Variants in PPP1R18 observed in about 807,000 individuals in gnomAD.
The protein encoded by PPP1R18 is phostensin.
In PPP1R18, 31 loss-of-function variants were observed where a neutral mutation model predicts 54.8. The observed-to-expected ratio is 0.57, with a 90% CI of 0.43 to 0.76. The LOEUF (loss-of-function observed/expected upper bound fraction) is 0.76, where lower values mean the gene tolerates loss of function less well. PPP1R18 is among the 30% of genes least tolerant of loss of function. The pLI is 0.00. For synonymous variants in PPP1R18, 310 were observed against 320.2 expected, an observed-to-expected ratio of 0.97 and a Z score of 0.34; for missense variants, 685 against 776.1, an observed-to-expected ratio of 0.88 and a Z score of 1.39.
Position 30,683,753 on chromosome 6 carries a change from T to C in PPP1R18, c.1611+655A>G, listed in dbSNP as rs1257930413. On this transcript the variant is annotated intron_variant, in intron 1 of 2. Transcript: ENST00000274853. The surrounding 1 kb of genome is among the most constrained non-coding windows in gnomAD (Gnocchi z 5.1). The stretch of plus-strand genomic sequence containing the variant: ...CAACCCCGAGGTCACCCACTTCAAA[T>C]GGCCTCTCTGTGTCTCTCCCATGGG... Among the ~76,000 whole-genome samples, 1 of 152,080 alleles carries C rather than the reference T, an allele frequency of 6.6e-6. No homozygotes were observed. The highest frequency in any genetic ancestry group is 2.4e-5 in the African/African-American group (1 of 41,424).
At position 30,679,315 on chromosome 6, in the gene PPP1R18, C is replaced by G. The variant is rs751625333; in HGVS notation, c.1686G>C (p.Glu562Asp). 1.3e-6 allele frequency: 2 copies of G among 1,548,002 alleles called. No individual in the cohort carries two copies. Among genetic ancestry groups the G allele is most frequent in the African/African-American group, 2.8e-5 (2 of 71,902 alleles). ...QYPSESSVLEELGPEPEVPSA... is the reference protein window; with the variant it reads ...QYPSESSVLEDLGPEPEVPSA... ...TGGGGACCTCAGGCTCCGGGCCCAG[C>G]TCCTCCAGTACCGAACTCTCGGAGG... The change falls in exon 2 of 3, where the codon GAG becomes GAC. Residue 562 changes from glutamate to aspartate, a missense_variant. By Grantham distance (45) the Glu-to-Asp change is conservative. Coordinates refer to ENST00000274853, the MANE Select transcript of PPP1R18 (RefSeq NM_133471.4).
At position 30,684,642 on chromosome 6, in the gene PPP1R18, C is replaced by A; in HGVS notation, c.1377G>T (p.Gly459=). 6.5e-7 allele frequency: 1 copy of A among 1,528,112 alleles called. No individual in the cohort carries two copies. The highest frequency in any genetic ancestry group is 8.8e-7 in the Non-Finnish European group (1 of 1,135,582). The allele number at this position is 1,528,112 out of a possible 1,614,324, so 94.7% of individuals were successfully genotyped here. A position where few individuals can be genotyped will look rare whatever the true frequency, so the allele number is the denominator to read the frequency against. ...TGCGGCGGGGGGCCCCCACCCCTGG[C>A]CCTGCCTTCACCCCATAGAACAGGC... The part of the protein sequence containing the change: ...MSRLFYGVKA[G]PGVGAPRRSG... The change falls in exon 1 of 3, where the codon GGG becomes GGT. Residue 459 remains glycine (G), a synonymous_variant. Transcript: ENST00000274853. This position sits in a 1 kb window ranked among gnomAD's most constrained non-coding sequence, Gnocchi z 6.0.
intron 1 of PPP1R18, among the ~76,000 whole-genome samples, chr6:30,681,579 CA>C (rs1213850280): frequency 2.6e-5 from 4 of 152,044 alleles, no homozygotes; most frequent in Non-Finnish European, 2.9e-5. Context: ...GCCTGGCTAA[CA>C]TGGTGAAACC....
intron 1 of PPP1R18, among the ~76,000 whole-genome samples, chr6:30,680,212 C>T (rs1770463951): frequency 6.6e-6 from 1 of 152,146 alleles, no homozygotes; most frequent in African/African-American, 2.4e-5. Flanking sequence ...GCACAGAAAA[C>T]CCTTGGTAAT....
intron 1 of PPP1R18, among the ~76,000 whole-genome samples, chr6:30,680,034 G>A (rs761977406): frequency 5.9e-5 from 9 of 152,122 alleles, no homozygotes; most frequent in Non-Finnish European, 8.8e-5. Flanking sequence ...GAACAGAAAG[G>A]CCGAGAGGAA....
chr6:30,681,327 A>C (rs1480647836), intron 1 of PPP1R18, among the ~76,000 whole-genome samples: 2 of 150,702 alleles, frequency 1.3e-5, no homozygotes, highest in Non-Finnish European at 1.5e-5. Flanking sequence ...CCTCCTGATC[A>C]CCCTATTTTG....
In PPP1R18 at chr6:30,684,558, G is replaced by A. The variant is rs541019306; in HGVS notation, c.1461C>T (p.Thr487=). The A allele has an allele frequency of 6.8e-6, 11 of 1,611,300 alleles. No homozygotes were observed. The highest frequency in any genetic ancestry group is 1.7e-4 in the Middle Eastern group (1 of 6,054). ...CATCAACTGTGGCTGGAGAGGTTGG[G>A]GTGGCTGGGGTCGCAGGGGGCACAG... The part of the protein sequence containing the change: ...RRSVPPATPA[T]PTSPATVDAA... Residue 487 remains threonine, a synonymous_variant, in exon 1 of 3, where the codon ACC becomes ACT. Coordinates refer to ENST00000274853, the MANE Select transcript of PPP1R18 (RefSeq NM_133471.4). The surrounding 1 kb of genome is among the most constrained non-coding windows in gnomAD (Gnocchi z 6.0).
Position 30,684,622 on chromosome 6 carries a change from CG to C in PPP1R18, c.1396del (p.Arg466AlafsTer140). On this transcript the variant is annotated frameshift_variant, in exon 1 of 3. Coordinates refer to ENST00000274853, the MANE Select transcript of PPP1R18 (RefSeq NM_133471.4). LOFTEE classifies it high-confidence loss of function. This position sits in a 1 kb window ranked among gnomAD's most constrained non-coding sequence, Gnocchi z 6.0. The part of the protein sequence containing the change: ...VKAGPGVGAP[R>X]RSGHTFTVNP... The stretch of plus-strand genomic sequence containing the variant: ...GACGGTGAAGGTGTGTCCACTGCGG[CG>C]GGGGGCCCCCACCCCTGGCCCTGCC... The C allele has an allele frequency of 6.6e-6, 10 of 1,518,102 alleles. No homozygotes were observed. Among genetic ancestry groups the C allele is most frequent in the Non-Finnish European group, 6.2e-6 (7 of 1,128,238 alleles). 94.0% of individuals were successfully genotyped at this position (1,518,102 alleles called of 1,614,324 possible).
In PPP1R18 at chr6:30,685,102, T is replaced by C; in HGVS notation, c.917A>G (p.Asn306Ser). The change falls in exon 1 of 3, where the codon AAC becomes AGC. Residue 306 changes from asparagine (N) to serine (S), a missense_variant. Transcript: ENST00000274853. The surrounding 1 kb of genome is among the most constrained non-coding windows in gnomAD (Gnocchi z 5.0). ...TGCTGCCTCCACTCCTGCGGAACTG[T>C]TGCCTTGGGCCTCCCTTGTCAGGGT... ...SETLTREAQG[N>S]SSAGVEAAEQ... 1 of 1,613,230 alleles carries C rather than the reference T, an allele frequency of 6.2e-7. No individual in the cohort carries two copies. The highest frequency in any genetic ancestry group is 8.5e-7 in the Non-Finnish European group (1 of 1,180,018).
Position 30,684,615 on chromosome 6 carries a change from A to G in PPP1R18, c.1404T>C (p.Ser468=), listed in dbSNP as rs748653421. The part of the protein sequence containing the change: ...AGPGVGAPRR[S]GHTFTVNPRR... The stretch of plus-strand genomic sequence containing the variant: ...GGGGGTTGACGGTGAAGGTGTGTCC[A>G]CTGCGGCGGGGGGCCCCCACCCCTG... Residue 468 remains serine, a synonymous_variant, in exon 1 of 3, where the codon AGT becomes AGC. Coordinates refer to ENST00000274853, the MANE Select transcript of PPP1R18 (RefSeq NM_133471.4). The surrounding 1 kb of genome is among the most constrained non-coding windows in gnomAD (Gnocchi z 6.0). The G allele has an allele frequency of 6.4e-7, 1 of 1,564,862 alleles. No individual in the cohort carries two copies. The highest frequency in any genetic ancestry group is 8.7e-7 in the Non-Finnish European group (1 of 1,154,734).
intron 1 of PPP1R18, among the ~76,000 whole-genome samples, chr6:30,679,869 G>A (rs1208808599): frequency 6.6e-6 from 1 of 152,118 alleles, no homozygotes; most frequent in African/African-American, 2.4e-5. Context: ...ACTGGCTGGG[G>A]AGCGAGTCTC....
chr6:30,688,105 G>A (rs1446382188), upstream of PPP1R18: 2 of 155,244 alleles, frequency 1.3e-5, no homozygotes, highest in African/African-American at 4.8e-5. This position sits in a 1 kb window ranked among gnomAD's most constrained non-coding sequence, Gnocchi z 5.9. Context: ...GGAGAGCAGG[G>A]AGCCCCAAGT....
At position 30,685,657 on chromosome 6, in the gene PPP1R18, T is replaced by TC. The variant is rs1373842451; in HGVS notation, c.361dup (p.Glu121GlyfsTer102). On this transcript the variant is annotated frameshift_variant, in exon 1 of 3. Coordinates refer to ENST00000274853, the MANE Select transcript of PPP1R18 (RefSeq NM_133471.4). LOFTEE classifies it high-confidence loss of function. This position sits in a 1 kb window ranked among gnomAD's most constrained non-coding sequence, Gnocchi z 5.0. ...CATCTCCCCAGGGCTGGGTCTCCGCTCCCGGGCCTCCAGAGGCCCAGGCTT... is the reference window on the plus strand; with the variant it reads ...CATCTCCCCAGGGCTGGGTCTCCGCTCCCCGGGCCTCCAGAGGCCCAGGCTT... 6.2e-7 allele frequency: 1 copy of TC among 1,613,080 alleles called. No homozygotes were observed. Among genetic ancestry groups the TC allele is most frequent in the South Asian group, 1.1e-5 (1 of 91,086 alleles).
Position 30,679,293 on chromosome 6 carries a change from G to A in PPP1R18, c.1708C>T (p.Pro570Ser). Reference protein sequence around the residue: ...LEELGPEPEVPSAPNPPAAQP... With the variant: ...LEELGPEPEVSSAPNPPAAQP... ...GCTGCTGGAGGGTTGGGGGCACTGG[G>A]GACCTCAGGCTCCGGGCCCAGCTCC... Residue 570 changes from proline to serine, a missense_variant, in exon 2 of 3, where the codon CCC becomes TCC. Physicochemically the swap from Pro to Ser is moderately conservative, Grantham distance 74 (BLOSUM62 -1). Coordinates refer to ENST00000274853, the MANE Select transcript of PPP1R18 (RefSeq NM_133471.4). 6.4e-7 allele frequency: 1 copy of A among 1,552,204 alleles called. No homozygotes were observed. The highest frequency in any genetic ancestry group is 1.2e-5 in the South Asian group (1 of 84,466).
intron 2 of PPP1R18, among the ~76,000 whole-genome samples, chr6:30,677,769 T>C (rs3132592): frequency 0.099 from 14,977 of 152,020 alleles, 1,130 homozygotes; most frequent in African/African-American, 0.2. Flanking sequence ...ATCGCTTGAA[T>C]TTGGGAGGCA....
At chr6:30,682,154 C>A (rs2239887) in intron 1 of PPP1R18, among the ~76,000 whole-genome samples, 2 of 152,114 alleles carry the variant, frequency 1.3e-5, no homozygotes, top group South Asian at 4.1e-4. Flanking sequence ...ATATCTCCCC[C>A]CCTACCCTGC....
chr6:30,685,135 A>G lies in PPP1R18; in HGVS notation c.884T>C (p.Leu295Pro). The change falls in exon 1 of 3, where the codon CTG (leucine) becomes CCG (proline). Residue 295 changes from leucine (L) to proline (P), a missense_variant. Physicochemically the swap from Leu to Pro is moderately conservative, Grantham distance 98. Transcript: ENST00000274853. This position sits in a 1 kb window ranked among gnomAD's most constrained non-coding sequence, Gnocchi z 5.0. ...PGVAPKETAELSETLTREAQG... is the reference protein window; with the variant it reads ...PGVAPKETAEPSETLTREAQG... ...GGCCTCCCTTGTCAGGGTCTCGGAC[A>G]GCTCTGCAGTCTCTTTTGGAGCTAC... 2 of 1,613,088 alleles carry G rather than the reference A, an allele frequency of 1.2e-6. No individual in the cohort carries two copies. Among genetic ancestry groups the G allele is most frequent in the South Asian group, 1.1e-5 (1 of 91,086 alleles).
upstream of PPP1R18, chr6:30,688,302 A>G: frequency 3.5e-6 from 1 of 285,932 alleles, no homozygotes; most frequent in Non-Finnish European, 6.7e-6. This position sits in a 1 kb window ranked among gnomAD's most constrained non-coding sequence, Gnocchi z 5.9. Context: ...GCGGTGCAGA[A>G]GGGGACCCCT....
rs74668179 is a variant in PPP1R18 at position 30,681,886 on chromosome 6, C to A, written c.1612-2497G>T. Among the ~76,000 whole-genome samples the A allele has an allele frequency of 1.2e-3, 190 of 152,270 alleles. 2 individuals are homozygous for A. The East Asian group carries it at 0.032, about 25-fold the overall frequency. On this transcript the variant is annotated intron_variant, in intron 1 of 2. Coordinates refer to ENST00000274853, the MANE Select transcript of PPP1R18 (RefSeq NM_133471.4). ...GGACCAATGCTGGGGAAACGATCTGCGGGTGGTCCAGCCTGTACACATTTG... is the reference window on the plus strand; with the variant it reads ...GGACCAATGCTGGGGAAACGATCTGAGGGTGGTCCAGCCTGTACACATTTG...
Sources: allele counts gnomAD v4.1 joint callset (sites outside exome capture counted in the v4.1 genomes callset), GRCh38; gene constraint gnomAD v4.1.1; non-coding constraint Gnocchi (gnomAD v3.1); transcripts MANE v1.5; gene names NCBI Gene and HGNC (gene_info 2026-07-23, HGNC 2026-07-21).